Variants in SAMD3 observed in about 807,000 individuals in gnomAD.
The protein encoded by SAMD3 is sterile alpha motif domain-containing protein 3.
In SAMD3, 63 loss-of-function variants were observed where a neutral mutation model predicts 58.5. The ratio of observed to expected loss-of-function variants is 1.08; its 90% confidence interval spans 0.88 to 1.33. SAMD3 has a LOEUF of 1.33. Ranked by LOEUF, SAMD3 falls within the 40% of genes most tolerant of loss-of-function variation. The pLI is 0.00. For missense variants in SAMD3, 604 were observed against 608.4 expected (o/e 0.99, Z 0.08); for synonymous variants, 220 against 210.3 (o/e 1.05, Z -0.40).
At chr6:130,306,049 A>G (rs1258552949) in intron 2 of SAMD3, among the ~76,000 whole-genome samples, 2 of 152,188 alleles carry the variant, frequency 1.3e-5, no homozygotes, top group African/African-American at 4.8e-5. Context: ...TCTCTTTTAT[A>G]AGGACACTAA....
intron 2 of SAMD3, among the ~76,000 whole-genome samples, chr6:130,311,536 A>G (rs1022486707): frequency 1.3e-5 from 2 of 152,222 alleles, no homozygotes; most frequent in Non-Finnish European, 2.9e-5. Context: ...CTAAGAGTAA[A>G]GGGAATACCT....
intron 2 of SAMD3, among the ~76,000 whole-genome samples, chr6:130,260,685 C>A (rs1774093070): frequency 6.6e-6 from 1 of 152,212 alleles, no homozygotes; most frequent in Non-Finnish European, 1.5e-5. Flanking sequence ...CTTAAGCCTG[C>A]CCTGTGGAAC....
chr6:130,175,161 T>A (rs1272486909), intron 8 of SAMD3, among the ~76,000 whole-genome samples: 1 of 152,230 alleles, frequency 6.6e-6, no homozygotes, highest in Non-Finnish European at 1.5e-5. Flanking sequence ...AGTTCAGACA[T>A]CCTTGTTAAA....
At chr6:130,361,261 G>T (rs1163489828) in intron 1 of SAMD3, among the ~76,000 whole-genome samples, 1 of 152,184 alleles carries the variant, frequency 6.6e-6, no homozygotes, top group African/African-American at 2.4e-5. Context: ...AATTATAAAA[G>T]TATTAATTTG....
chr6:130,362,678 T>C (rs535021876), intron 1 of SAMD3, among the ~76,000 whole-genome samples: 1 of 152,316 alleles, frequency 6.6e-6, no homozygotes, highest in South Asian at 2.1e-4. Flanking sequence ...CAAGGAGGTA[T>C]CTGATTATCT....
chr6:130,282,899 C>G (rs1241573025), intron 2 of SAMD3, among the ~76,000 whole-genome samples: 1 of 152,058 alleles, frequency 6.6e-6, no homozygotes, highest in Admixed American at 6.6e-5. Context: ...GGAGGCATGC[C>G]CTCAACAGAT....
chr6:130,154,948 C>G lies in SAMD3; in HGVS notation c.900G>C (p.Lys300Asn), dbSNP rs751837474. The G allele has an allele frequency of 6.2e-6, 10 of 1,613,274 alleles. No homozygotes were observed. The Admixed American group carries it at 1.7e-4, about 27-fold the overall frequency. Residue 300 changes from lysine (K) to asparagine (N), a missense_variant, in exon 9 of 12, where the codon AAG becomes AAC. Coordinates refer to ENST00000439090, the MANE Select transcript of SAMD3 (RefSeq NM_001017373.4). ...WFQQEYVKTE[K>N]DWREIDKRMS... ...TTCTCTTGTCAATTTCTCTCCAGTC[C>G]TTTTCTGTTTTCACGTATTCTTGCT...
intron 2 of SAMD3, among the ~76,000 whole-genome samples, chr6:130,239,249 G>T (rs62431210): frequency 6.6e-6 from 1 of 152,164 alleles, no homozygotes; most frequent in African/African-American, 2.4e-5. Context: ...CACTCTTTCC[G>T]GCATATTGTG....
chr6:130,219,668 T>C (rs1796138967), intron 1 of SAMD3, among the ~76,000 whole-genome samples: 1 of 152,352 alleles, frequency 6.6e-6, no homozygotes, highest in South Asian at 2.1e-4. Context: ...ATTAATTCAT[T>C]CCTTTTTATG....
Position 130,233,316 on chromosome 6 carries a change from T to C in SAMD3, c.-187-10503A>G, listed in dbSNP as rs1796597856. ...GTGCAGGATGTGCAGGTCTGTTAAATAGGTATACATGTGCCACGGTGGTTT... is the reference window on the plus strand; with the variant it reads ...GTGCAGGATGTGCAGGTCTGTTAAACAGGTATACATGTGCCACGGTGGTTT... On this transcript the variant is annotated intron_variant, in intron 2 of 13. Transcript: ENST00000368134. Among the ~76,000 whole-genome samples the C allele has an allele frequency of 4.6e-5, 7 of 152,216 alleles. No homozygotes were observed. The South Asian group carries it at 1.2e-3, about 27-fold the overall frequency.
intron 2 of SAMD3, among the ~76,000 whole-genome samples, chr6:130,253,972 C>T (rs1266385341): frequency 1.3e-5 from 2 of 151,674 alleles, no homozygotes; most frequent in Admixed American, 1.3e-4. Flanking sequence ...TCAAAATGTC[C>T]CAGTAAGCAT....
chr6:130,273,954 C>CTGTT (rs74570831), intron 2 of SAMD3, among the ~76,000 whole-genome samples: 74,353 of 151,664 alleles, frequency 0.49, 22,092 homozygotes, highest in African/African-American at 0.84. Context: ...CAGTATTATT[C>CTGTT]TGTTTATATA....
chr6:130,268,227 G>A (rs553155675), intron 2 of SAMD3, among the ~76,000 whole-genome samples: 95 of 151,884 alleles, frequency 6.3e-4, no homozygotes, highest in Non-Finnish European at 1.0e-3. Context: ...TTTAAAAATC[G>A]AAAAAAGTTT....
chr6:130,229,961 A>G (rs1002344007), intron 2 of SAMD3, among the ~76,000 whole-genome samples: 4 of 152,208 alleles, frequency 2.6e-5, no homozygotes, highest in Non-Finnish European at 5.9e-5. Context: ...TGGAGAAATT[A>G]TTTTTCTCTA....
intron 2 of SAMD3, among the ~76,000 whole-genome samples, chr6:130,284,728 T>G (rs116163658): frequency 0.021 from 3,143 of 152,272 alleles, 99 homozygotes; most frequent in African/African-American, 0.071. Context: ...GTATCTATAT[T>G]AACATAAAGA....
intron 2 of SAMD3, among the ~76,000 whole-genome samples, chr6:130,251,314 A>T (rs1459361859): frequency 6.6e-6 from 1 of 152,160 alleles, no homozygotes; most frequent in African/African-American, 2.4e-5. Context: ...TTATTTATAC[A>T]TTCTTGATTC....
At chr6:130,281,309 G>T (rs1774973053) in intron 2 of SAMD3, among the ~76,000 whole-genome samples, 1 of 152,122 alleles carries the variant, frequency 6.6e-6, no homozygotes, top group Admixed American at 6.5e-5. Context: ...AAAGTCTCTT[G>T]CTTACTGATT....
intron 2 of SAMD3, among the ~76,000 whole-genome samples, chr6:130,299,822 A>G (rs1222957776): frequency 2.0e-5 from 3 of 152,202 alleles, no homozygotes; most frequent in Non-Finnish European, 4.4e-5. Flanking sequence ...CTCAGAGACT[A>G]CTAGGAACAT....
intron 4 of SAMD3, among the ~76,000 whole-genome samples, chr6:130,211,202 C>T (rs750337236): frequency 3.3e-5 from 5 of 152,004 alleles, no homozygotes; most frequent in Non-Finnish European, 7.4e-5. Flanking sequence ...AAACCTTAGT[C>T]GCCACAACCC....
Sources: gnomAD v4.1 joint callset for allele counts (sites outside exome capture counted in the v4.1 genomes callset) on GRCh38, gnomAD v4.1.1 for gene constraint, MANE v1.5 for transcripts, NCBI Gene and HGNC (gene_info 2026-07-23, HGNC 2026-07-21) for gene names.